The following NAA20 variants were observed in gnomAD, a reference collection of about 807,000 sequenced individuals.
The protein encoded by NAA20 is N-alpha-acetyltransferase 20, NatB catalytic subunit, also known as N-alpha-acetyltransferase 20.
NAA20 carries 24 observed loss-of-function variants against 23.8 expected under a neutral mutation model. The observed-to-expected ratio is 1.01, with a 90% CI of 0.73 to 1.42. The LOEUF is 1.42. Ranked by LOEUF, NAA20 falls within the 40% of genes most tolerant of loss-of-function variation. The pLI, the probability that NAA20 is intolerant of heterozygous loss-of-function variation, is 0.00. For synonymous variants in NAA20, 83 were observed against 77.7 expected (o/e 1.07, Z -0.36); for missense variants, 166 against 223.1 (o/e 0.74, Z 1.63).
At chr20:20,023,066 A>G (rs2043282001) in intron 2 of NAA20, among the ~76,000 whole-genome samples, 1 of 152,064 alleles carries the variant, frequency 6.6e-6, no homozygotes, top group Admixed American at 6.6e-5. Flanking sequence ...CAGGCAGATC[A>G]CGAGGTCAGG....
intron 1 of NAA20, chr20:20,018,219 TAAGAAAAC>T: frequency 3.0e-6 from 2 of 672,242 alleles, no homozygotes; most frequent in Non-Finnish European, 4.9e-6. Context: ...TTTTTTTTTT[TAAGAAAAC>T]ATTTTATTAT....
intron 1 of NAA20, among the ~76,000 whole-genome samples, chr20:20,019,611 G>T (rs1482739882): frequency 2.0e-5 from 3 of 152,164 alleles, no homozygotes; most frequent in Admixed American, 1.3e-4. Context: ...TTGAGACAGG[G>T]TCTCGCTCTG....
chr20:20,033,389 CAA>C lies in NAA20; in HGVS notation c.*205_*206del, dbSNP rs901505847. Reference sequence around the variant, plus strand: ...TACCTATTAAAGCTGTTCATTGTAACAAAATTCAATCAAAAAGGCAGCTAGGT... The same window carrying C: ...TACCTATTAAAGCTGTTCATTGTAACAATTCAATCAAAAAGGCAGCTAGGT... On this transcript the variant is annotated 3_prime_UTR_variant, in exon 6 of 6. Transcript: ENST00000334982. 8.5e-6 allele frequency: 4 copies of C among 472,900 alleles called. No homozygotes were observed. Among genetic ancestry groups the C allele is most frequent in the African/African-American group, 5.8e-5 (3 of 51,470 alleles). 29.3% of individuals were successfully genotyped at this position (472,900 alleles called of 1,614,324 possible).
At chr20:20,032,163 A>G (rs1896490350) in intron 4 of NAA20, among the ~76,000 whole-genome samples, 1 of 151,920 alleles carries the variant, frequency 6.6e-6, no homozygotes, top group Admixed American at 6.5e-5. Flanking sequence ...GCAAAAGACA[A>G]AAGAATATAT....
chr20:20,032,674 G>GT, intron 5 of NAA20, 21 bp downstream of exon 5: 1 of 1,559,612 alleles, frequency 6.4e-7, no homozygotes, highest in African/African-American at 1.4e-5. Flanking sequence ...TTCCATGGCA[G>GT]TATCCCCAAG....
intron 1 of NAA20, chr20:20,017,744 G>T: frequency 7.0e-7 from 1 of 1,432,594 alleles, no homozygotes. Context: ...TCCGCTCGTG[G>T]TCGCTGTCAG....
intron 5 of NAA20, 103 bp from the exon 6 acceptor site, chr20:20,032,999 G>T (rs751983545): frequency 3.3e-5 from 30 of 908,026 alleles, no homozygotes; most frequent in Non-Finnish European, 4.5e-5. Flanking sequence ...ATATGGTGAA[G>T]TGGGGGTAGG....
chr20:20,020,168 T>G (rs2043257839), intron 1 of NAA20, among the ~76,000 whole-genome samples: 1 of 152,178 alleles, frequency 6.6e-6, no homozygotes, highest in Admixed American at 6.5e-5. Flanking sequence ...AGCTGTGACT[T>G]CATAGAACAC....
At chr20:20,031,688 C>T (rs879391255) in intron 4 of NAA20, among the ~76,000 whole-genome samples, 7 of 151,994 alleles carry the variant, frequency 4.6e-5, no homozygotes, top group Non-Finnish European at 7.4e-5. Flanking sequence ...ATTCACAATA[C>T]ATAGAGAACT....
chr20:20,027,087 A>G (rs2043311735), intron 4 of NAA20, among the ~76,000 whole-genome samples, 168 bp downstream of exon 4: 2 of 152,200 alleles, frequency 1.3e-5, no homozygotes, highest in Admixed American at 6.5e-5. Context: ...TATTGTTTCT[A>G]TTTTGCCATT....
intron 2 of NAA20, among the ~76,000 whole-genome samples, chr20:20,022,845 G>A (rs2146462035): frequency 6.6e-6 from 1 of 152,318 alleles, no homozygotes; most frequent in East Asian, 1.9e-4. Context: ...GGCAGGTGAT[G>A]CTTCCATGAA....
intron 1 of NAA20, chr20:20,017,688 T>A (rs2043240801): frequency 7.0e-7 from 1 of 1,423,198 alleles, no homozygotes. Flanking sequence ...TCAAACTTTG[T>A]CTCTGGACCC....
Position 20,017,375 on chromosome 20 carries a change from C to G in NAA20, c.-22C>G. 1.2e-6 allele frequency: 2 copies of G among 1,611,304 alleles called. No homozygotes were observed. Among genetic ancestry groups the G allele is most frequent in the Non-Finnish European group, 1.7e-6 (2 of 1,179,284 alleles). On this transcript the variant is annotated 5_prime_UTR_variant, in exon 1 of 6. Coordinates refer to ENST00000334982, the MANE Select transcript of NAA20 (RefSeq NM_016100.5). The stretch of plus-strand genomic sequence containing the variant: ...CGGGCGCGGGGTCTTGGCGAACGGT[C>G]TTCGGAAGCGGCGGCGGCGCGATGA...
chr20:20,030,899 TG>T (rs1177126529), intron 4 of NAA20, among the ~76,000 whole-genome samples: 2 of 152,106 alleles, frequency 1.3e-5, no homozygotes, highest in African/African-American at 4.8e-5. Context: ...TGCCATAGCA[TG>T]AAAAAACATT....
intron 1 of NAA20, among the ~76,000 whole-genome samples, chr20:20,022,123 C>T (rs1482252184): frequency 6.6e-6 from 1 of 152,184 alleles, no homozygotes; most frequent in Non-Finnish European, 1.5e-5. Flanking sequence ...GACCTTCTGT[C>T]TCTGCGAGAT....
At chr20:20,027,751 A>AT (rs11367808) in intron 4 of NAA20, among the ~76,000 whole-genome samples, 4,008 of 139,764 alleles carry the variant, frequency 0.029, 131 homozygotes, top group African/African-American at 0.084. Flanking sequence ...CCAGCATGGC[A>AT]TTTTTTTTTT....
At chr20:20,022,263 T>C (rs1653129529) in intron 1 of NAA20, among the ~76,000 whole-genome samples, 193 bp from the exon 2 acceptor site, 1 of 152,214 alleles carries the variant, frequency 6.6e-6, no homozygotes, top group South Asian at 2.1e-4. Context: ...AACACCTTAA[T>C]AGTGGCTGTG....
intron 5 of NAA20, among the ~76,000 whole-genome samples, 180 bp downstream of exon 5, chr20:20,032,833 A>G (rs945591593): frequency 6.6e-6 from 1 of 152,202 alleles, no homozygotes; most frequent in African/African-American, 2.4e-5. Context: ...TAACTAACCA[A>G]TGGTTAATTT....
At chr20:20,019,473 A>G (rs1401055400) in intron 1 of NAA20, among the ~76,000 whole-genome samples, 1 of 152,256 alleles carries the variant, frequency 6.6e-6, no homozygotes, top group Non-Finnish European at 1.5e-5. Context: ...ACAGTTTTAC[A>G]TGGAAATGAA....
Sources: allele counts gnomAD v4.1 joint callset (sites outside exome capture counted in the v4.1 genomes callset), GRCh38; gene constraint gnomAD v4.1.1; transcripts MANE v1.5; gene names NCBI Gene and HGNC (gene_info 2026-07-23, HGNC 2026-07-21).